Variants in LSAMP observed in about 807,000 individuals in gnomAD.
The protein encoded by LSAMP is limbic system associated membrane protein.
In LSAMP, 7 loss-of-function variants were observed where a neutral mutation model predicts 38.6. That is an observed-to-expected ratio of 0.18 (90% CI 0.10 to 0.34). The LOEUF is 0.34. Among genes scored for constraint, LSAMP ranks in the 10% least tolerant of loss-of-function variants. LSAMP has a pLI of 1.00. For synonymous variants in LSAMP, 154 were observed against 166.8 expected, an observed-to-expected ratio of 0.92 and a Z score of 0.59; for missense variants, 313 against 420.0, an observed-to-expected ratio of 0.75 and a Z score of 2.23.
chr3:116,203,764 T>G (rs1576429653), intron 1 of LSAMP, among the ~76,000 whole-genome samples: 1 of 152,022 alleles, frequency 6.6e-6, no homozygotes, highest in South Asian at 2.1e-4. Flanking sequence ...TATTCCATGG[T>G]GTATATGTGC....
chr3:116,216,352 G>A (rs1342513825), intron 1 of LSAMP, among the ~76,000 whole-genome samples: 2 of 152,080 alleles, frequency 1.3e-5, no homozygotes, highest in Non-Finnish European at 2.9e-5. Flanking sequence ...AATTGAACAT[G>A]CTACCCTAGG....
chr3:115,868,245 C>T (rs931071933), intron 3 of LSAMP, among the ~76,000 whole-genome samples: 3 of 152,000 alleles, frequency 2.0e-5, no homozygotes, highest in East Asian at 1.9e-4. Flanking sequence ...GTGCTGGCTA[C>T]GTATTAAACT....
At chr3:116,410,827 A>T (rs915108701) in intron 1 of LSAMP, among the ~76,000 whole-genome samples, 1 of 152,098 alleles carries the variant, frequency 6.6e-6, no homozygotes, top group Non-Finnish European at 1.5e-5. Context: ...CCTCCAAAGC[A>T]TAAGCAGAAA....
chr3:115,808,805 T>C lies in LSAMP; in HGVS notation c.*1512A>G, dbSNP rs1300710787. ...AGCACAAGGAGTGAACTGCTTTTCA[T>C]TATGGCCAGTGCTCTGTATTAGAGC... On this transcript the variant is annotated 3_prime_UTR_variant, in exon 7 of 7. Coordinates refer to ENST00000490035, the MANE Select transcript of LSAMP (RefSeq NM_002338.5). 6.6e-6 allele frequency: 1 copy of C among 152,202 alleles called. No homozygotes were observed. Among genetic ancestry groups the C allele is most frequent in the African/African-American group, 2.4e-5 (1 of 41,436 alleles). The allele number at this position is 152,202 out of a possible 1,614,324, so 9.4% of individuals were successfully genotyped here. A position where few individuals can be genotyped will look rare whatever the true frequency, so the allele number is the denominator to read the frequency against.
chr3:115,890,324 T>A (rs769896897), intron 3 of LSAMP, among the ~76,000 whole-genome samples: 2 of 151,880 alleles, frequency 1.3e-5, no homozygotes, highest in African/African-American at 4.8e-5. Flanking sequence ...AGTCATATAG[T>A]CATGTAACTA....
intron 1 of LSAMP, among the ~76,000 whole-genome samples, chr3:116,260,915 G>A (rs1376426212): frequency 6.6e-6 from 1 of 152,196 alleles, no homozygotes; most frequent in African/African-American, 2.4e-5. Context: ...GGTGCAGGCA[G>A]AGATAGAGCA....
intron 1 of LSAMP, among the ~76,000 whole-genome samples, chr3:116,158,481 A>G (rs1709808132): frequency 6.6e-6 from 1 of 152,198 alleles, no homozygotes; most frequent in Non-Finnish European, 1.5e-5. Flanking sequence ...TTTATCTGAT[A>G]AATAATTTCA....
chr3:116,059,591 G>A (rs139886145), intron 2 of LSAMP, among the ~76,000 whole-genome samples: 3 of 152,296 alleles, frequency 2.0e-5, no homozygotes, highest in Non-Finnish European at 4.4e-5. Flanking sequence ...AAGGAGCCAA[G>A]GGGCTGAGTC....
At chr3:116,317,252 C>A (rs1455184499) in intron 1 of LSAMP, among the ~76,000 whole-genome samples, 1 of 152,200 alleles carries the variant, frequency 6.6e-6, no homozygotes, top group East Asian at 1.9e-4. Flanking sequence ...CTGTAACACT[C>A]ACTGTGAAGG....
At chr3:116,124,925 T>G (rs1708974372) in intron 1 of LSAMP, among the ~76,000 whole-genome samples, 1 of 152,214 alleles carries the variant, frequency 6.6e-6, no homozygotes, top group Admixed American at 6.5e-5. Context: ...CTGACTGATT[T>G]TTGCTGATTC....
intron 2 of LSAMP, among the ~76,000 whole-genome samples, chr3:116,025,156 T>C (rs1940755063): frequency 6.6e-6 from 1 of 152,108 alleles, no homozygotes; most frequent in South Asian, 2.1e-4. Flanking sequence ...TAGTGTTTTC[T>C]TTTCTTTCTA....
chr3:115,902,277 TAATAAA>T (rs1936894647), intron 3 of LSAMP, among the ~76,000 whole-genome samples: 1 of 151,980 alleles, frequency 6.6e-6, no homozygotes, highest in African/African-American at 2.4e-5. Context: ...AAGAAAATGA[TAATAAA>T]GATAAGTGCC....
chr3:116,236,115 T>C (rs2107633319), intron 1 of LSAMP, among the ~76,000 whole-genome samples: 1 of 152,258 alleles, frequency 6.6e-6, no homozygotes, highest in Middle Eastern at 3.4e-3. Context: ...GCCTGATTCA[T>C]TGGTAACTAG....
intron 1 of LSAMP, among the ~76,000 whole-genome samples, chr3:116,153,644 A>G (rs1334588627): frequency 6.6e-6 from 1 of 152,118 alleles, no homozygotes; most frequent in Non-Finnish European, 1.5e-5. Context: ...AGGGTTCAGA[A>G]ATTGTTCTAG....
chr3:116,385,287 G>A (rs918036953), intron 1 of LSAMP, among the ~76,000 whole-genome samples: 1 of 152,082 alleles, frequency 6.6e-6, no homozygotes, highest in Non-Finnish European at 1.5e-5. Context: ...CGAGAAAGTT[G>A]GTTAAAATCC....
intron 1 of LSAMP, among the ~76,000 whole-genome samples, chr3:116,184,283 A>G (rs1015042586): frequency 6.6e-6 from 1 of 151,934 alleles, no homozygotes; most frequent in Non-Finnish European, 1.5e-5. Context: ...TCCAGTTTAC[A>G]GATGAGAAAA....
intron 1 of LSAMP, among the ~76,000 whole-genome samples, chr3:116,416,044 T>C (rs1223788767): frequency 6.6e-6 from 1 of 152,196 alleles, no homozygotes; most frequent in African/African-American, 2.4e-5. Flanking sequence ...AATACATAAA[T>C]TCAAAGAAGC....
At chr3:115,972,659 T>G (rs918713132) in intron 3 of LSAMP, among the ~76,000 whole-genome samples, 3 of 151,234 alleles carry the variant, frequency 2.0e-5, no homozygotes, top group African/African-American at 7.3e-5. Flanking sequence ...TTAAAAATAT[T>G]TGAATTAAGG....
rs182703543 is a variant in LSAMP at position 115,905,782 on chromosome 3, G to A, written c.515-53165C>T. 1.4e-4 allele frequency among the ~76,000 whole-genome samples: 22 copies of A among 152,198 alleles called. No individual in the cohort carries two copies. The East Asian group carries it at 2.5e-3, about 17-fold the overall frequency. On this transcript the variant is annotated intron_variant, in intron 3 of 6. Transcript: ENST00000490035. ...TGCATTGGTACCTACAGTTCCCAGC[G>A]GAAGAGGGGGTCTCATCCTGGCTGC...
Sources: gnomAD v4.1 joint callset for allele counts (sites outside exome capture counted in the v4.1 genomes callset) on GRCh38, gnomAD v4.1.1 for gene constraint, MANE v1.5 for transcripts, NCBI Gene and HGNC (gene_info 2026-07-23, HGNC 2026-07-21) for gene names.